MCTP2: variants seen among roughly 807,000 people sequenced by gnomAD.
The protein encoded by MCTP2 is multiple C2 and transmembrane domain containing 2.
Under a neutral mutation model 111.6 loss-of-function variants are expected in MCTP2, and 132 were observed. That is an observed-to-expected ratio of 1.18 (90% CI 1.03 to 1.37). The LOEUF (loss-of-function observed/expected upper bound fraction) is 1.37, where lower values mean the gene tolerates loss of function less well. Among genes scored for constraint, MCTP2 ranks in the 40% most tolerant of loss-of-function variants. MCTP2 has a pLI of 0.00. For synonymous variants in MCTP2, 395 were observed against 387.7 expected (o/e 1.02, Z -0.22); for missense variants, 1,183 against 1,067.9 (o/e 1.11, Z -1.50).
At chr15:94,391,806 A>G (rs2080992415) in intron 14 of MCTP2, among the ~76,000 whole-genome samples, 1 of 152,218 alleles carries the variant, frequency 6.6e-6, no homozygotes, top group Non-Finnish European at 1.5e-5. Context: ...AGGCTAAGAG[A>G]GAAAGAATGA....
At chr15:94,286,622 G>A (rs1235030687) in intron 1 of MCTP2, among the ~76,000 whole-genome samples, 7 of 152,170 alleles carry the variant, frequency 4.6e-5, no homozygotes, top group African/African-American at 9.7e-5. Flanking sequence ...TCCATTCTGA[G>A]AACCTCTTTC....
At chr15:94,384,937 T>C (rs2080370115) in intron 13 of MCTP2, among the ~76,000 whole-genome samples, 1 of 152,238 alleles carries the variant, frequency 6.6e-6, no homozygotes, top group African/African-American at 2.4e-5. Flanking sequence ...TTCTGGTCAA[T>C]ATTAAAATAT....
chr15:94,340,201 A>T lies in MCTP2; in HGVS notation c.783A>T (p.Val261=), dbSNP rs554980370. The T allele has an allele frequency of 1.2e-6, 2 of 1,610,294 alleles. No homozygotes were observed. Among genetic ancestry groups the T allele is most frequent in the South Asian group, 2.2e-5 (2 of 90,980 alleles). ...QSLDQKLRVK[V]YDRDLTTSDF... ...ATTGACCTCTGTCCTCTTTGTAGGT[A>T]TATGATCGAGATTTAACCACATCTG... is the stretch of plus-strand genomic sequence containing the variant. Residue 261 remains valine, a splice_region_variant and synonymous_variant, in exon 6 of 23, where the codon GTA becomes GTT. Coordinates refer to ENST00000357742, the MANE Select transcript of MCTP2 (RefSeq NM_001385001.1).
intron 8 of MCTP2, among the ~76,000 whole-genome samples, chr15:94,352,180 G>T (rs1157587293): frequency 1.8e-4 from 28 of 152,196 alleles, no homozygotes; most frequent in Non-Finnish European, 7.3e-5. Context: ...AACTTATGAG[G>T]ATTCCCTACC....
At chr15:94,403,983 C>T (rs1476613810) in intron 17 of MCTP2, among the ~76,000 whole-genome samples, 1 of 152,150 alleles carries the variant, frequency 6.6e-6, no homozygotes, top group Non-Finnish European at 1.5e-5. Flanking sequence ...TACAGCCTAT[C>T]ATTTGGTTGT....
intron 21 of MCTP2, among the ~76,000 whole-genome samples, chr15:94,472,504 A>G (rs951225329): frequency 1.3e-5 from 2 of 152,232 alleles, no homozygotes; most frequent in Non-Finnish European, 2.9e-5. Context: ...TTATCCTCCA[A>G]GATCTTGGCA....
intron 4 of MCTP2, among the ~76,000 whole-genome samples, chr15:94,323,696 C>G (rs951518429): frequency 2.0e-5 from 3 of 152,198 alleles, no homozygotes; most frequent in African/African-American, 7.2e-5. Context: ...GAGTCTTACT[C>G]TGATGCTGTC....
chr15:94,477,635 C>T (rs913804908), intron 22 of MCTP2, among the ~76,000 whole-genome samples: 1 of 152,244 alleles, frequency 6.6e-6, no homozygotes, highest in South Asian at 2.1e-4. Flanking sequence ...AATCAAATAT[C>T]GATTTTCATA....
intron 14 of MCTP2, among the ~76,000 whole-genome samples, chr15:94,398,320 G>A (rs569784008): frequency 6.6e-6 from 1 of 152,124 alleles, no homozygotes; most frequent in South Asian, 2.1e-4. Flanking sequence ...TAACATTTTG[G>A]GGGGAATACT....
Position 94,384,016 on chromosome 15 carries a change from T to G in MCTP2, c.1583-6T>G, listed in dbSNP as rs79255234. Reference sequence around the variant, plus strand: ...TCTTTGACCGATGTGTATGTTATCTTTCCAGGGAAGAGTGACCCATTTTGC... The same window carrying G: ...TCTTTGACCGATGTGTATGTTATCTGTCCAGGGAAGAGTGACCCATTTTGC... On this transcript the variant is annotated splice_region_variant and splice_polypyrimidine_tract_variant and intron_variant, in intron 12 of 22. Coordinates refer to ENST00000357742, the MANE Select transcript of MCTP2 (RefSeq NM_001385001.1). 6.2e-7 allele frequency: 1 copy of G among 1,602,668 alleles called. No individual in the cohort carries two copies. The highest frequency in any genetic ancestry group is 1.3e-5 in the African/African-American group (1 of 74,694).
intron 12 of MCTP2, among the ~76,000 whole-genome samples, chr15:94,381,428 T>C (rs1055695634): frequency 1.3e-5 from 2 of 152,172 alleles, no homozygotes; most frequent in Admixed American, 6.5e-5. Flanking sequence ...ATAACTGAAG[T>C]TCCTGGTTTC....
intron 1 of MCTP2, among the ~76,000 whole-genome samples, chr15:94,253,294 C>G (rs1013667462): frequency 6.6e-6 from 1 of 152,166 alleles, no homozygotes; most frequent in Non-Finnish European, 1.5e-5. Flanking sequence ...ACTTTGATAA[C>G]TTATCAGTCT....
intron 1 of MCTP2, among the ~76,000 whole-genome samples, chr15:94,279,912 G>C (rs2074393757): frequency 1.3e-5 from 2 of 152,116 alleles, no homozygotes; most frequent in African/African-American, 4.8e-5. Context: ...CACATTTATT[G>C]ATTTGCATAC....
intron 8 of MCTP2, among the ~76,000 whole-genome samples, chr15:94,351,417 G>A (rs1056409838): frequency 1.3e-5 from 2 of 152,152 alleles, no homozygotes; most frequent in Non-Finnish European, 2.9e-5. Context: ...CATTTTATAG[G>A]CTCAATGTTT....
intron 12 of MCTP2, among the ~76,000 whole-genome samples, chr15:94,373,793 C>T (rs539978592): frequency 6.6e-6 from 1 of 152,302 alleles, no homozygotes; most frequent in South Asian, 2.1e-4. Context: ...AAAGAATTTG[C>T]TTCACAAATT....
chr15:94,269,094 T>C (rs1170588445), intron 1 of MCTP2, among the ~76,000 whole-genome samples: 1 of 152,210 alleles, frequency 6.6e-6, no homozygotes, highest in Non-Finnish European at 1.5e-5. Flanking sequence ...TCCAACAATG[T>C]TCATTTGTCT....
Position 94,266,226 on chromosome 15 carries a change from T to C in MCTP2, c.-65-31975T>C, listed in dbSNP as rs540874847. 8.5e-5 allele frequency among the ~76,000 whole-genome samples: 13 copies of C among 152,380 alleles called. No homozygotes were observed. In the South Asian group the frequency reaches 2.5e-3, roughly 29 times the overall value. On this transcript the variant is annotated intron_variant, in intron 1 of 22. Coordinates refer to ENST00000357742, the MANE Select transcript of MCTP2 (RefSeq NM_001385001.1). ...CCAAATAGCTTGTGAGTCACTGATCTATGGATTATGTGAGGGGGCCACAGC... is the reference window on the plus strand; with the variant it reads ...CCAAATAGCTTGTGAGTCACTGATCCATGGATTATGTGAGGGGGCCACAGC...
At chr15:94,243,854 T>C (rs933383320) in intron 1 of MCTP2, among the ~76,000 whole-genome samples, 4 of 148,296 alleles carry the variant, frequency 2.7e-5, no homozygotes, top group Admixed American at 1.3e-4. Context: ...CACATATATG[T>C]ATACACATAC....
intron 14 of MCTP2, among the ~76,000 whole-genome samples, chr15:94,389,483 AGT>A (rs2080738132): frequency 6.6e-6 from 1 of 152,206 alleles, no homozygotes; most frequent in South Asian, 2.1e-4. Context: ...GAAGCAAATT[AGT>A]GAGAGAGAAG....
Sources: gnomAD v4.1 joint callset for allele counts (sites outside exome capture counted in the v4.1 genomes callset) on GRCh38, gnomAD v4.1.1 for gene constraint, MANE v1.5 for transcripts, NCBI Gene and HGNC (gene_info 2026-07-23, HGNC 2026-07-21) for gene names.